SULT2A1: variants seen among roughly 807,000 people sequenced by gnomAD.
The protein encoded by SULT2A1 is sulfotransferase family 2A member 1, also known as sulfotransferase 2A1.
Under a neutral mutation model 33.9 loss-of-function variants are expected in SULT2A1, and 43 were observed. That is an observed-to-expected ratio of 1.27 (90% CI 1.00 to 1.64). The LOEUF (loss-of-function observed/expected upper bound fraction) is 1.64, where lower values mean the gene tolerates loss of function less well. Ranked by LOEUF, SULT2A1 falls within the 40% of genes most tolerant of loss-of-function variation. SULT2A1 has a pLI of 0.00. For missense variants in SULT2A1, 300 were observed against 335.1 expected (o/e 0.90, Z 0.82); for synonymous variants, 125 against 113.6 (o/e 1.10, Z -0.64).
rs773132496 is a variant in SULT2A1, at chr19:47,886,306, G to A, written c.-49C>T. The A allele has an allele frequency of 5.0e-6, 8 of 1,599,604 alleles. No homozygotes were observed. Among genetic ancestry groups the A allele is most frequent in the South Asian group, 3.4e-5 (3 of 89,434 alleles). ...TGTGAGGGTTTCAACTGTAGCCACC[G>A]CTGGAGGCTGTGGCAGCTACAGGCA... On this transcript the variant is annotated 5_prime_UTR_variant, in exon 1 of 6. Coordinates refer to ENST00000222002, the MANE Select transcript of SULT2A1 (RefSeq NM_003167.4).
chr19:47,874,960 G>A (rs1193794421), intron 4 of SULT2A1, 126 bp from the exon 5 acceptor site: 26 of 789,396 alleles, frequency 3.3e-5, no homozygotes, highest in Non-Finnish European at 5.1e-5. Flanking sequence ...TCAGGAGTTC[G>A]AGACTAGCCT....
Position 47,874,838 on chromosome 19 carries a change from A to G in SULT2A1, c.568-4T>C, listed in dbSNP as rs1161334818. On this transcript the variant is annotated splice_polypyrimidine_tract_variant and splice_region_variant and intron_variant, in intron 4 of 5. Coordinates refer to ENST00000222002, the MANE Select transcript of SULT2A1 (RefSeq NM_003167.4). ...TCTCTATGGTTCTTCCTGTGTCCTA[A>G]AAAAGAAAAATCAAGAGAGAGGATA... is the stretch of plus-strand genomic sequence containing the variant. The G allele has an allele frequency of 6.2e-6, 10 of 1,612,110 alleles. No homozygotes were observed. Among genetic ancestry groups the G allele is most frequent in the Admixed American group, 1.7e-5 (1 of 59,528 alleles).
At chr19:47,878,268 A>T (rs1156592347) in intron 4 of SULT2A1, among the ~76,000 whole-genome samples, 1 of 151,566 alleles carries the variant, frequency 6.6e-6, no homozygotes. Context: ...CCTTGAATTC[A>T]TGGGCTCAAG....
intron 4 of SULT2A1, among the ~76,000 whole-genome samples, chr19:47,877,776 C>T (rs1968561338): frequency 6.6e-6 from 1 of 152,120 alleles, no homozygotes. Context: ...GTCTCGAACT[C>T]CTGGACTCAA....
At chr19:47,884,575 C>G (rs927659855) in intron 1 of SULT2A1, among the ~76,000 whole-genome samples, 1 of 150,384 alleles carries the variant, frequency 6.6e-6, no homozygotes, top group Non-Finnish European at 1.5e-5. Flanking sequence ...AACTCGGGCT[C>G]AAGTGATCCT....
In SULT2A1 at chr19:47,883,662, AGTGCT is replaced by A; in HGVS notation, c.255_259del (p.Ala86GlnfsTer2). On this transcript the variant is annotated frameshift_variant, in exon 2 of 6. Coordinates refer to ENST00000222002, the MANE Select transcript of SULT2A1 (RefSeq NM_003167.4). LOFTEE classifies it high-confidence loss of function. Reference sequence around the variant, plus strand: ...TAAACGTGGACTCTCCGTTTCACTGAGTGCTGTATACCCAATCTCACTCTCTACCC... The same window carrying A: ...TAAACGTGGACTCTCCGTTTCACTGAGTATACCCAATCTCACTCTCTACCC... 6.2e-7 allele frequency: 1 copy of A among 1,614,096 alleles called. No homozygotes were observed. The highest frequency in any genetic ancestry group is 1.3e-5 in the African/African-American group (1 of 75,020).
At chr19:47,878,641 C>T (rs1184979206) in intron 4 of SULT2A1, among the ~76,000 whole-genome samples, 1 of 151,744 alleles carries the variant, frequency 6.6e-6, no homozygotes, top group South Asian at 2.1e-4. Flanking sequence ...CTCAGCCTCC[C>T]GAGTAGCTGG....
chr19:47,876,508 C>G (rs987697502), intron 4 of SULT2A1, among the ~76,000 whole-genome samples: 2 of 152,168 alleles, frequency 1.3e-5, no homozygotes, highest in South Asian at 2.1e-4. Context: ...GGTATGGGAT[C>G]GTGTATCTGA....
chr19:47,878,849 T>C (rs1386572019), intron 4 of SULT2A1, among the ~76,000 whole-genome samples, 187 bp downstream of exon 4: 1 of 151,974 alleles, frequency 6.6e-6, no homozygotes, highest in African/African-American at 2.4e-5. Context: ...AGCGTGAAGC[T>C]TGGGCAAGGG....
chr19:47,874,811 C>A lies in SULT2A1; in HGVS notation c.591G>T (p.Lys197Asn). The A allele has an allele frequency of 1.2e-6, 2 of 1,613,992 alleles. No homozygotes were observed. Among genetic ancestry groups the A allele is most frequent in the Non-Finnish European group, 1.7e-6 (2 of 1,179,980 alleles). The change falls in exon 5 of 6, where the codon AAG becomes AAT. Residue 197 changes from lysine to asparagine, a missense_variant. By Grantham distance (94) the Lys-to-Asn change is moderately conservative (BLOSUM62 0). Coordinates refer to ENST00000222002, the MANE Select transcript of SULT2A1 (RefSeq NM_003167.4). ...ACGTCTTTCCCAGGAATTGACAGAT[C>A]TTCTCTATGGTTCTTCCTGTGTCCT... ...LKQDTGRTIE[K>N]ICQFLGKTLE... is the part of the protein sequence containing the mutation.
rs16972519 is a variant in SULT2A1, at chr19:47,876,405, T to G, written c.568-1571A>C. ...ATAATGCTTTAATTTTTTCCTCTAT[T>G]TCATAAACCTTGGTTATCTAATAAG... On this transcript the variant is annotated intron_variant, in intron 4 of 5. Transcript: ENST00000222002. Among the ~76,000 whole-genome samples the G allele has an allele frequency of 1.9e-3, 292 of 152,258 alleles. 1 individual carries two copies. The highest frequency in any genetic ancestry group is 6.8e-3 in the African/African-American group (282 of 41,558).
chr19:47,885,592 T>C (rs1232993665), intron 1 of SULT2A1, among the ~76,000 whole-genome samples: 2 of 152,298 alleles, frequency 1.3e-5, no homozygotes, highest in East Asian at 3.9e-4. Context: ...CCACTTCCAA[T>C]GTCTTCAGCC....
chr19:47,883,447 G>A (rs1968621456), intron 2 of SULT2A1, 130 bp downstream of exon 2: 1 of 889,956 alleles, frequency 1.1e-6, no homozygotes, highest in Non-Finnish European at 1.8e-6. Flanking sequence ...CACCTAATAC[G>A]GAATCTCAGG....
At chr19:47,877,406 T>C (rs1968557080) in intron 4 of SULT2A1, among the ~76,000 whole-genome samples, 1 of 151,406 alleles carries the variant, frequency 6.6e-6, no homozygotes, top group South Asian at 2.1e-4. Flanking sequence ...GCCTGGCTAA[T>C]TTTTTATATT....
chr19:47,880,649 T>C (rs2547234), intron 3 of SULT2A1, among the ~76,000 whole-genome samples: 131,068 of 151,516 alleles, frequency 0.87, 56,860 homozygotes, highest in East Asian at 1. Context: ...TGCCATGGAG[T>C]GATCTCGGCT....
Position 47,870,732 on chromosome 19 carries a change from T to C in SULT2A1, c.*723A>G, listed in dbSNP as rs946651064. Reference sequence around the variant, plus strand: ...TTAGGTAGTACGTACATTATTCTTGTAGCATTCTGTAAACGGGAAACATTG... The same window carrying C: ...TTAGGTAGTACGTACATTATTCTTGCAGCATTCTGTAAACGGGAAACATTG... On this transcript the variant is annotated 3_prime_UTR_variant, in exon 6 of 6. Coordinates refer to ENST00000222002, the MANE Select transcript of SULT2A1 (RefSeq NM_003167.4). The C allele has an allele frequency of 6.8e-6, 1 of 147,950 alleles. No individual in the cohort carries two copies. The highest frequency in any genetic ancestry group is 6.8e-5 in the Admixed American group (1 of 14,808). The allele number at this position is 147,950 out of a possible 1,614,324, so 9.2% of individuals were successfully genotyped here.
chr19:47,877,242 C>CTT (rs796987293), intron 4 of SULT2A1, among the ~76,000 whole-genome samples: 2 of 142,634 alleles, frequency 1.4e-5, no homozygotes, highest in African/African-American at 5.1e-5. Flanking sequence ...AGGTCAAGTT[C>CTT]TTTTTTTTTT....
In SULT2A1 at chr19:47,874,839, A is replaced by G. The variant is rs1968527906; in HGVS notation, c.568-5T>C. On this transcript the variant is annotated splice_polypyrimidine_tract_variant and splice_region_variant and intron_variant, in intron 4 of 5. Transcript: ENST00000222002. ...CTCTATGGTTCTTCCTGTGTCCTAA[A>G]AAAGAAAAATCAAGAGAGAGGATAC... The G allele has an allele frequency of 6.2e-7, 1 of 1,612,124 alleles. No homozygotes were observed. The highest frequency in any genetic ancestry group is 8.5e-7 in the Non-Finnish European group (1 of 1,179,382).
chr19:47,880,562 CATTATT>C (rs66892249), intron 3 of SULT2A1, among the ~76,000 whole-genome samples: 3,998 of 146,502 alleles, frequency 0.027, 115 homozygotes, highest in African/African-American at 0.066. Context: ...GTATGGAATA[CATTATT>C]ATTATTATTA....
Sources: allele counts gnomAD v4.1 joint callset (sites outside exome capture counted in the v4.1 genomes callset), GRCh38; gene constraint gnomAD v4.1.1; transcripts MANE v1.5; gene names NCBI Gene and HGNC (gene_info 2026-07-23, HGNC 2026-07-21).